RBFOX1: variants seen among roughly 807,000 people sequenced by gnomAD.
RBFOX1 encodes the protein RNA binding protein fox-1 homolog 1.
In RBFOX1, 8 loss-of-function variants were observed where a neutral mutation model predicts 57.7. The observed-to-expected ratio is 0.14, with a 90% confidence interval of 0.08 to 0.25. The LOEUF (loss-of-function observed/expected upper bound fraction) is 0.25, where lower values mean the gene tolerates loss of function less well. RBFOX1 is among the 10% of genes least tolerant of loss of function. The pLI is 1.00. For missense variants in RBFOX1, 611 were observed against 548.5 expected, an observed-to-expected ratio of 1.11 and a Z score of -1.14; for synonymous variants, 326 against 222.4, an observed-to-expected ratio of 1.47 and a Z score of -4.15.
intron 5 of RBFOX1, among the ~76,000 whole-genome samples, chr16:7,548,517 A>G (rs1189107755): frequency 6.6e-6 from 1 of 152,202 alleles, no homozygotes; most frequent in Non-Finnish European, 1.5e-5. Flanking sequence ...ACAGAGGTGA[A>G]TGGCACCTAC....
chr16:5,624,395 C>T (rs1463466507), intron 3 of RBFOX1, among the ~76,000 whole-genome samples: 1 of 152,216 alleles, frequency 6.6e-6, no homozygotes, highest in African/African-American at 2.4e-5. Context: ...GACAGGGTTT[C>T]ACCGTGTTAG....
chr16:5,925,649 A>G (rs2058924474), intron 4 of RBFOX1, among the ~76,000 whole-genome samples: 1 of 152,074 alleles, frequency 6.6e-6, no homozygotes, highest in African/African-American at 2.4e-5. Flanking sequence ...ATTTTATGTT[A>G]TGTGTATTTT....
chr16:7,693,218 A>T, intron 14 of RBFOX1: 13 of 933,072 alleles, frequency 1.4e-5, no homozygotes, highest in Non-Finnish European at 2.1e-5. Flanking sequence ...CACACGCAGC[A>T]CCCTTCCCTC....
intron 1 of RBFOX1, among the ~76,000 whole-genome samples, chr16:6,285,218 A>G (rs1049595680): frequency 6.6e-6 from 1 of 152,212 alleles, no homozygotes; most frequent in Non-Finnish European, 1.5e-5. Context: ...TTGGAATTCC[A>G]GATACTAAAT....
chr16:7,657,223 G>A (rs1004664114), intron 12 of RBFOX1, among the ~76,000 whole-genome samples: 5 of 152,164 alleles, frequency 3.3e-5, no homozygotes, highest in Admixed American at 6.5e-5. Flanking sequence ...ATGGAAGCTT[G>A]GGTAACCCTT....
chr16:7,483,322 G>T (rs1353142159), intron 4 of RBFOX1, among the ~76,000 whole-genome samples: 1 of 152,186 alleles, frequency 6.6e-6, no homozygotes, highest in Non-Finnish European at 1.5e-5. Context: ...TGGCAGACCT[G>T]TTGTCCTATC....
intron 3 of RBFOX1, among the ~76,000 whole-genome samples, chr16:6,724,207 C>CT (rs766088068): frequency 0.053 from 7,440 of 141,412 alleles, 406 homozygotes; most frequent in African/African-American, 0.14. Context: ...AGGCATCTTC[C>CT]ATTTTTTTTT....
In RBFOX1 at chr16:6,706,613, C is replaced by T. The variant is rs17140985; in HGVS notation, c.-16+51963C>T. 2.4e-3 allele frequency among the ~76,000 whole-genome samples: 370 copies of T among 152,178 alleles called. 7 individuals carry two copies. The highest frequency in any genetic ancestry group is 0.02 in the Admixed American group (306 of 15,284). On this transcript the variant is annotated intron_variant, in intron 3 of 15. Coordinates refer to ENST00000550418, the MANE Select transcript of RBFOX1 (RefSeq NM_018723.4). Reference sequence around the variant, plus strand: ...TGCTCTAATAGAGTTGTACTTGTTTCCTGGTCTTGCCAACACTGGCCTTTC... The same window carrying T: ...TGCTCTAATAGAGTTGTACTTGTTTTCTGGTCTTGCCAACACTGGCCTTTC...
chr16:7,132,973 G>C (rs2070928709), intron 4 of RBFOX1, among the ~76,000 whole-genome samples: 1 of 152,094 alleles, frequency 6.6e-6, no homozygotes, highest in African/African-American at 2.4e-5. Flanking sequence ...ACTAGAGTCA[G>C]AAAACAAACC....
intron 2 of RBFOX1, among the ~76,000 whole-genome samples, chr16:6,318,575 T>A (rs529306136): frequency 4.6e-5 from 7 of 152,262 alleles, no homozygotes; most frequent in Middle Eastern, 3.4e-3. Flanking sequence ...GTCTTCTGAA[T>A]ATGATTGAAA....
intron 2 of RBFOX1, among the ~76,000 whole-genome samples, chr16:5,538,359 T>C (rs1026204083): frequency 1.3e-5 from 2 of 151,884 alleles, no homozygotes; most frequent in Admixed American, 6.6e-5. Context: ...TAAAAGAAAA[T>C]ATTTATTTGG....
At chr16:5,546,876 T>C (rs541766338) in intron 2 of RBFOX1, among the ~76,000 whole-genome samples, 20 of 152,316 alleles carry the variant, frequency 1.3e-4, no homozygotes, top group African/African-American at 4.8e-4. Flanking sequence ...AGGACTTATG[T>C]GTAGAATGGG....
chr16:6,279,175 T>A (rs2076133161), intron 1 of RBFOX1, among the ~76,000 whole-genome samples: 1 of 152,148 alleles, frequency 6.6e-6, no homozygotes, highest in African/African-American at 2.4e-5. Context: ...ATTTACATCT[T>A]GATGTATTAA....
At chr16:6,033,126 ATAGT>A (rs773976311) in intron 1 of RBFOX1, among the ~76,000 whole-genome samples, 16 of 152,290 alleles carry the variant, frequency 1.1e-4, no homozygotes, top group East Asian at 1.9e-4. Context: ...TTGCGTGCTA[ATAGT>A]TAGTTCCTCC....
chr16:6,974,501 C>T (rs190748440), intron 3 of RBFOX1, among the ~76,000 whole-genome samples: 4 of 151,826 alleles, frequency 2.6e-5, no homozygotes, highest in East Asian at 1.9e-4. Context: ...CGTGCCACCA[C>T]GCCCAGCTAA....
At chr16:6,957,039 A>G (rs2081988963) in intron 3 of RBFOX1, among the ~76,000 whole-genome samples, 1 of 151,940 alleles carries the variant, frequency 6.6e-6, no homozygotes. Context: ...GAATAGGCAT[A>G]TTCCATCGGC....
chr16:6,779,049 T>C (rs1436148805), intron 3 of RBFOX1, among the ~76,000 whole-genome samples: 1 of 152,078 alleles, frequency 6.6e-6, no homozygotes, highest in African/African-American at 2.4e-5. Context: ...TTTTGAAATA[T>C]ACAATGCATT....
At chr16:5,518,365 C>T (rs1451237769) in intron 2 of RBFOX1, among the ~76,000 whole-genome samples, 1 of 152,070 alleles carries the variant, frequency 6.6e-6, no homozygotes, top group Non-Finnish European at 1.5e-5. Flanking sequence ...TTTTTTTTGA[C>T]CCTCACCATT....
chr16:7,168,401 C>G (rs908260290), intron 4 of RBFOX1, among the ~76,000 whole-genome samples: 1 of 151,424 alleles, frequency 6.6e-6, no homozygotes, highest in Admixed American at 6.6e-5. Context: ...GTACCTCAAA[C>G]CTCAACAGCC....
Sources: allele counts gnomAD v4.1 joint callset (sites outside exome capture counted in the v4.1 genomes callset), GRCh38; gene constraint gnomAD v4.1.1; transcripts MANE v1.5; gene names NCBI Gene and HGNC (gene_info 2026-07-23, HGNC 2026-07-21).